Variants in CRB1 observed in about 807,000 individuals in gnomAD.
The protein encoded by CRB1 is protein crumbs homolog 1.
CRB1 carries 83 observed loss-of-function variants against 120.0 expected under a neutral mutation model. The observed-to-expected ratio is 0.69, with a 90% CI of 0.58 to 0.83. The LOEUF is 0.83. Ranked by LOEUF, CRB1 falls within the 40% of genes least tolerant of loss-of-function variation. CRB1 has a pLI of 0.00. For missense variants in CRB1, 1,699 were observed against 1,687.6 expected (o/e 1.01, Z -0.12); for synonymous variants, 625 against 612.5 (o/e 1.02, Z -0.30).
At chr1:197,262,215 T>C in the CRB1 span, among the ~76,000 whole-genome samples, 1 of 152,172 alleles carries the variant, frequency 6.6e-6, no homozygotes, top group Non-Finnish European at 1.5e-5. Flanking sequence ...ACATCAATAG[T>C]GTCCACCAGT....
At chr1:197,438,242 G>T (rs1366320960) in intron 9 of CRB1, 2 of 347,220 alleles carry the variant, frequency 5.8e-6, no homozygotes, top group Non-Finnish European at 1.1e-5. Context: ...AGCAAATCTA[G>T]TTATAGCAAG....
intron 2 of CRB1, among the ~76,000 whole-genome samples, chr1:197,332,784 G>T (rs186165552): frequency 1.6e-4 from 24 of 152,308 alleles, no homozygotes; most frequent in African/African-American, 5.8e-4. Flanking sequence ...GCTTTATTTG[G>T]AAATTTTTCT....
chr1:197,393,698 G>A (rs1223054273), intron 5 of CRB1, among the ~76,000 whole-genome samples: 1 of 152,042 alleles, frequency 6.6e-6, no homozygotes, highest in Non-Finnish European at 1.5e-5. Flanking sequence ...TTCACCCGAT[G>A]TAATTTACAT....
At chr1:197,258,178 GA>G in the CRB1 span, among the ~76,000 whole-genome samples, 1 of 151,998 alleles carries the variant, frequency 6.6e-6, no homozygotes, top group Non-Finnish European at 1.5e-5. Flanking sequence ...AGTATAATTG[GA>G]TTTTTTGTAA....
intron 5 of CRB1, among the ~76,000 whole-genome samples, chr1:197,361,390 G>A (rs530548160): frequency 2.0e-4 from 30 of 152,058 alleles, no homozygotes; most frequent in African/African-American, 5.3e-4. Flanking sequence ...TCCATTTTCT[G>A]GATCTTTTGA....
At chr1:197,423,930 G>A (rs1022637669) in intron 6 of CRB1, among the ~76,000 whole-genome samples, 1 of 152,032 alleles carries the variant, frequency 6.6e-6, no homozygotes. Flanking sequence ...TGTCCATAAG[G>A]TTCTCTCAGC....
chr1:197,234,305 T>G, the CRB1 span, among the ~76,000 whole-genome samples: 1 of 152,182 alleles, frequency 6.6e-6, no homozygotes, highest in South Asian at 2.1e-4. Flanking sequence ...CACTGTAGTT[T>G]CCTGACTCTT....
At chr1:197,324,000 A>G (rs1658351750) in intron 1 of CRB1, among the ~76,000 whole-genome samples, 2 of 152,186 alleles carry the variant, frequency 1.3e-5, no homozygotes, top group African/African-American at 2.4e-5. Context: ...GGGGATTTAA[A>G]ATATGTTGAC....
intron 5 of CRB1, among the ~76,000 whole-genome samples, chr1:197,406,810 T>G (rs1410765047): frequency 6.6e-6 from 1 of 152,196 alleles, no homozygotes; most frequent in Non-Finnish European, 1.5e-5. Flanking sequence ...CTTTATATTT[T>G]GCCGAATAGA....
chr1:197,348,219 G>A (rs1442398224), intron 4 of CRB1, among the ~76,000 whole-genome samples: 1 of 152,152 alleles, frequency 6.6e-6, no homozygotes, highest in Non-Finnish European at 1.5e-5. Context: ...CTATCCATGG[G>A]ATTGTGGTGG....
chr1:197,223,631 G>A, the CRB1 span, among the ~76,000 whole-genome samples: 1 of 152,142 alleles, frequency 6.6e-6, no homozygotes. Context: ...TCTTTACACA[G>A]CATAGGTGAA....
chr1:197,327,524 T>A (rs1387204798), intron 1 of CRB1, among the ~76,000 whole-genome samples: 1 of 152,162 alleles, frequency 6.6e-6, no homozygotes, highest in Non-Finnish European at 1.5e-5. Flanking sequence ...AGAAAATACA[T>A]ACACACAGAT....
intron 5 of CRB1, among the ~76,000 whole-genome samples, chr1:197,383,972 G>T (rs1474505668): frequency 6.6e-6 from 1 of 152,200 alleles, no homozygotes; most frequent in African/African-American, 2.4e-5. Context: ...ACTCAAATAA[G>T]TTTAATGCAG....
At chr1:197,315,915 A>G (rs1216145961) in intron 1 of CRB1, among the ~76,000 whole-genome samples, 1 of 152,344 alleles carries the variant, frequency 6.6e-6, no homozygotes, top group South Asian at 2.1e-4. Flanking sequence ...AACATTCTAA[A>G]AGGATAATCT....
chr1:197,476,473 T>C (rs1489813916), intron 11 of CRB1, among the ~76,000 whole-genome samples: 1 of 151,956 alleles, frequency 6.6e-6, no homozygotes, highest in Non-Finnish European at 1.5e-5. Flanking sequence ...GTATTTTCAT[T>C]TCCTAGCTCA....
intron 10 of CRB1, chr1:197,440,361 T>C (rs1286312886): frequency 2.0e-5 from 3 of 152,190 alleles, no homozygotes; most frequent in Non-Finnish European, 2.9e-5. Context: ...ATATTTGAAA[T>C]ATAGAAAGAA....
chr1:197,278,173 G>C (rs1655323437), intron 1 of CRB1, among the ~76,000 whole-genome samples: 1 of 151,884 alleles, frequency 6.6e-6, no homozygotes, highest in South Asian at 2.1e-4. Flanking sequence ...GGGGCCTTTG[G>C]TAGGGGATTA....
At chr1:197,437,432 CAT>C (rs1356235505) in intron 9 of CRB1, among the ~76,000 whole-genome samples, 3 of 152,110 alleles carry the variant, frequency 2.0e-5, no homozygotes, top group Non-Finnish European at 4.4e-5. Flanking sequence ...AAAATAAACA[CAT>C]AGGCCCTAGT....
rs182882606 is a variant in CRB1 at position 197,467,525 on chromosome 1, T to A, written c.4006-10139T>A. Among the ~76,000 whole-genome samples, 341 of 152,340 alleles carry A rather than the reference T, an allele frequency of 2.2e-3. 2 individuals are homozygous for A. Among genetic ancestry groups the A allele is most frequent in the Non-Finnish European group, 4.2e-3 (289 of 68,034 alleles). ...CCAATAATGTCCCTTATAGATTTTT[T>A]AAATCCAGGATACAATCAATTGCAT... On this transcript the variant is annotated intron_variant, in intron 11 of 11. Transcript: ENST00000367400.
Sources: gnomAD v4.1 joint callset for allele counts (sites outside exome capture counted in the v4.1 genomes callset) on GRCh38, gnomAD v4.1.1 for gene constraint, MANE v1.5 for transcripts, NCBI Gene and HGNC (gene_info 2026-07-23, HGNC 2026-07-21) for gene names.